Variants in PDE1A observed in about 807,000 individuals in gnomAD.
PDE1A encodes dual specificity calcium/calmodulin-dependent 3',5'-cyclic nucleotide phosphodiesterase 1A.
In PDE1A, 35 loss-of-function variants were observed where a neutral mutation model predicts 61.7. The observed-to-expected ratio is 0.57, with a 90% CI of 0.43 to 0.75. PDE1A has a LOEUF of 0.75. Among genes scored for constraint, PDE1A ranks in the 30% least tolerant of loss-of-function variants. The pLI is 0.00. For synonymous variants in PDE1A, 232 were observed against 213.2 expected (o/e 1.09, Z -0.77); for missense variants, 597 against 630.6 (o/e 0.95, Z 0.57).
At position 182,240,273 on chromosome 2, in the gene PDE1A, C is replaced by T; in HGVS notation, c.187G>A (p.Asp63Asn). 6.3e-7 allele frequency: 1 copy of T among 1,595,488 alleles called. No homozygotes were observed. The highest frequency in any genetic ancestry group is 8.5e-7 in the Non-Finnish European group (1 of 1,173,162). The change falls in exon 3 of 14, where the codon GAT becomes AAT. Residue 63 changes from aspartate to asparagine, a missense_variant. Coordinates refer to ENST00000351439, the Ensembl canonical transcript of PDE1A. ...TCAGTCTGAATGTCACTGAGCTCAT[C>T]TTCAGTATCCAGAAGTCTTCTACAA...
intron 1 of PDE1A, among the ~76,000 whole-genome samples, chr2:182,338,329 T>C (rs768084044): frequency 1.4e-4 from 22 of 152,322 alleles, no homozygotes; most frequent in Non-Finnish European, 2.8e-4. Flanking sequence ...AGGGACTTCA[T>C]GAAATGAGCG....
At chr2:182,638,704 C>A in the PDE1A span, among the ~76,000 whole-genome samples, 1 of 152,074 alleles carries the variant, frequency 6.6e-6, no homozygotes, top group Non-Finnish European at 1.5e-5. Flanking sequence ...AAAATCATGA[C>A]AAAGTGACAA....
intron 2 of PDE1A, among the ~76,000 whole-genome samples, chr2:182,480,949 T>C (rs1687662811): frequency 6.6e-6 from 1 of 151,906 alleles, no homozygotes; most frequent in African/African-American, 2.4e-5. Context: ...CTTTACCTCC[T>C]CTGTCCTCTC....
chr2:182,498,067 A>AAAAGACTG (rs1553632744), intron 2 of PDE1A, among the ~76,000 whole-genome samples: 4 of 150,918 alleles, frequency 2.7e-5, no homozygotes, highest in African/African-American at 9.7e-5. Flanking sequence ...AAAAAAAAAA[A>AAAAGACTG]AAAAGACTGA....
chr2:182,310,772 T>C (rs1396497923), intron 1 of PDE1A, among the ~76,000 whole-genome samples: 1 of 152,184 alleles, frequency 6.6e-6, no homozygotes, highest in South Asian at 2.1e-4. Flanking sequence ...AGAGACATTG[T>C]TATGTGCTCA....
At chr2:182,606,686 AAATT>A in the PDE1A span, among the ~76,000 whole-genome samples, 1 of 152,226 alleles carries the variant, frequency 6.6e-6, no homozygotes, top group Non-Finnish European at 1.5e-5. Flanking sequence ...AAATACCATG[AAATT>A]AATAAAACAA....
intron 13 of PDE1A, among the ~76,000 whole-genome samples, chr2:182,153,872 C>CA (rs1349298326): frequency 2.0e-5 from 3 of 152,018 alleles, no homozygotes; most frequent in Non-Finnish European, 4.4e-5. Context: ...GGTTTGGAGG[C>CA]AGGTAAGGGA....
chr2:182,509,654 T>C (rs1689659798), intron 2 of PDE1A, among the ~76,000 whole-genome samples: 1 of 152,150 alleles, frequency 6.6e-6, no homozygotes, highest in Admixed American at 6.5e-5. Context: ...GCCATACAGA[T>C]AAAAAGTAAA....
chr2:182,525,470 A>G (rs1559542927), upstream of PDE1A, among the ~76,000 whole-genome samples: 2 of 152,126 alleles, frequency 1.3e-5, 1 homozygote, highest in South Asian at 4.1e-4. Context: ...CTCAAATCTC[A>G]TGTTAAAATA....
chr2:182,336,975 T>TAAAAAAAA (rs1559351303), intron 1 of PDE1A, among the ~76,000 whole-genome samples: 3 of 23,946 alleles, frequency 1.3e-4, no homozygotes, highest in Non-Finnish European at 2.0e-4. Flanking sequence ...TTTTTTTTTT[T>TAAAAAAAA]TAAATAAAGA....
chr2:182,394,006 T>A (rs1420367453), intron 1 of PDE1A, among the ~76,000 whole-genome samples: 1 of 152,206 alleles, frequency 6.6e-6, no homozygotes, highest in East Asian at 1.9e-4. Context: ...ATTTCCCATA[T>A]TTTCCAGTTC....
chr2:182,505,273 G>T (rs1297760505), intron 2 of PDE1A, among the ~76,000 whole-genome samples: 3 of 152,198 alleles, frequency 2.0e-5, no homozygotes, highest in African/African-American at 7.2e-5. Flanking sequence ...TAGGAAATTA[G>T]AACCTTGGAC....
chr2:182,300,032 G>A (rs1423290329), intron 1 of PDE1A, among the ~76,000 whole-genome samples: 1 of 152,192 alleles, frequency 6.6e-6, no homozygotes, highest in Non-Finnish European at 1.5e-5. Flanking sequence ...GAAGTTTGTA[G>A]TAGTCCAGTT....
chr2:182,287,435 A>C (rs937458391), intron 1 of PDE1A, among the ~76,000 whole-genome samples: 1 of 152,156 alleles, frequency 6.6e-6, no homozygotes, highest in South Asian at 2.1e-4. Flanking sequence ...ACGTCTATTT[A>C]CCTATCTATT....
chr2:182,325,778 G>T (rs770858513), intron 1 of PDE1A, among the ~76,000 whole-genome samples: 1 of 152,064 alleles, frequency 6.6e-6, no homozygotes. Context: ...AATTAGCCTG[G>T]CATGGTGGTG....
rs143910621 is a variant in PDE1A at position 182,500,429 on chromosome 2, C to T, written c.101+21847G>A. Among the ~76,000 whole-genome samples the T allele has an allele frequency of 6.6e-5, 10 of 152,112 alleles. No homozygotes were observed. The East Asian group carries it at 1.9e-3, about 29-fold the overall frequency. On this transcript the variant is annotated intron_variant, in intron 2 of 14. Coordinates refer to the PDE1A transcript ENST00000410103. ...AAATAGATAAATCAAAAAACAACAACATTAAATTATTATTTAAAAATAAGG... is the reference window on the plus strand; with the variant it reads ...AAATAGATAAATCAAAAAACAACAATATTAAATTATTATTTAAAAATAAGG...
intron 7 of PDE1A, among the ~76,000 whole-genome samples, chr2:182,215,508 C>G (rs1458622467): frequency 1.3e-5 from 2 of 151,498 alleles, no homozygotes; most frequent in Non-Finnish European, 2.9e-5. Context: ...ACAAAATTGA[C>G]AGACCGCTAG....
At chr2:182,186,046 A>C (rs1203009689) in exon 13 of PDE1A, 2 of 1,614,058 alleles carry the variant, frequency 1.2e-6, no homozygotes, top group Non-Finnish European at 1.7e-6. Flanking sequence ...GTCTTAGTGC[A>C]TCAGCAATGT....
the PDE1A span, among the ~76,000 whole-genome samples, chr2:182,712,299 G>A: frequency 6.6e-6 from 1 of 152,276 alleles, no homozygotes; most frequent in African/African-American, 2.4e-5. Context: ...TCTTTGTACC[G>A]CAAATATGTT....
Sources: gnomAD v4.1 joint callset for allele counts (sites outside exome capture counted in the v4.1 genomes callset) on GRCh38, gnomAD v4.1.1 for gene constraint, MANE v1.5 for transcripts, NCBI Gene and HGNC (gene_info 2026-07-23, HGNC 2026-07-21) for gene names.